The following ATP1B3 variants were observed in gnomAD, a reference collection of about 807,000 sequenced individuals.
ATP1B3 encodes the protein sodium/potassium-transporting ATPase subunit beta-3.
Under a neutral mutation model 30.2 loss-of-function variants are expected in ATP1B3, and 10 were observed. The ratio of observed to expected loss-of-function variants is 0.33; its 90% CI spans 0.20 to 0.56. The LOEUF (loss-of-function observed/expected upper bound fraction) is 0.56, where lower values mean the gene tolerates loss of function less well. Among genes scored for constraint, ATP1B3 ranks in the 20% least tolerant of loss-of-function variants. ATP1B3 has a pLI of 0.90. For missense variants in ATP1B3, 238 were observed against 336.7 expected, an observed-to-expected ratio of 0.71 and a Z score of 2.29; for synonymous variants, 113 against 117.0, an observed-to-expected ratio of 0.97 and a Z score of 0.22.
At chr3:141,921,807 A>G in intron 5 of ATP1B3, 170 bp from the exon 6 acceptor site, 1 of 468,586 alleles carries the variant, frequency 2.1e-6, no homozygotes, top group Non-Finnish European at 3.8e-6. Context: ...AATATTTGCA[A>G]TCAAGATGAG....
chr3:141,920,007 C>T (rs772195031), intron 5 of ATP1B3, among the ~76,000 whole-genome samples: 7 of 152,094 alleles, frequency 4.6e-5, no homozygotes, highest in Non-Finnish European at 8.8e-5. Context: ...CTGAGTACCT[C>T]ATTATTATTC....
intron 1 of ATP1B3, 72 bp downstream of exon 1, chr3:141,876,982 C>T (rs1299314841): frequency 1.1e-5 from 14 of 1,231,858 alleles, no homozygotes; most frequent in Non-Finnish European, 1.5e-5. Flanking sequence ...CTGGTGGGAA[C>T]GGAAAGGCGG....
intron 1 of ATP1B3, among the ~76,000 whole-genome samples, chr3:141,893,437 T>G (rs900531220): frequency 6.6e-6 from 1 of 152,200 alleles, no homozygotes; most frequent in Non-Finnish European, 1.5e-5. Flanking sequence ...CCCCACCCTC[T>G]TTTCCTGTGG....
At chr3:141,886,840 A>G (rs1933843616) in intron 1 of ATP1B3, among the ~76,000 whole-genome samples, 1 of 152,170 alleles carries the variant, frequency 6.6e-6, no homozygotes, top group Admixed American at 6.5e-5. Context: ...TCTACAAAAA[A>G]TAATTTTAAA....
intron 3 of ATP1B3, among the ~76,000 whole-genome samples, chr3:141,912,471 C>T (rs1316403972): frequency 1.3e-5 from 2 of 151,986 alleles, no homozygotes; most frequent in Non-Finnish European, 2.9e-5. Flanking sequence ...CCATCTTGGC[C>T]AGGCTGGTCT....
At chr3:141,891,580 G>C (rs1017271802) in intron 1 of ATP1B3, among the ~76,000 whole-genome samples, 9 of 152,066 alleles carry the variant, frequency 5.9e-5, no homozygotes, top group African/African-American at 2.2e-4. Flanking sequence ...TGTATTGAAT[G>C]GTTTTGGTGT....
At chr3:141,915,063 AGAAGTATCCTCAC>A (rs1304088827) in intron 4 of ATP1B3, among the ~76,000 whole-genome samples, 1 of 152,242 alleles carries the variant, frequency 6.6e-6, no homozygotes, top group Admixed American at 6.5e-5. Flanking sequence ...CCAGTCTACT[AGAAGTATCCTCAC>A]GACATCTAGA....
At chr3:141,910,819 A>G (rs1480189390) in intron 3 of ATP1B3, among the ~76,000 whole-genome samples, 2 of 126,746 alleles carry the variant, frequency 1.6e-5, no homozygotes, top group Non-Finnish European at 3.3e-5. Context: ...CTCTTAATTT[A>G]CTCCTTAGTT....
chr3:141,920,108 C>T (rs1158986169), intron 5 of ATP1B3, among the ~76,000 whole-genome samples: 2 of 152,094 alleles, frequency 1.3e-5, no homozygotes, highest in Admixed American at 6.5e-5. Flanking sequence ...GCCAAGATCA[C>T]GTCTTAGGCA....
intron 1 of ATP1B3, chr3:141,902,099 ACTT>A: frequency 7.9e-7 from 1 of 1,272,878 alleles, no homozygotes; most frequent in Non-Finnish European, 1.0e-6. Flanking sequence ...CAAACTGTTT[ACTT>A]CTTTGAGATT....
intron 5 of ATP1B3, among the ~76,000 whole-genome samples, chr3:141,916,766 T>G (rs1225620532): frequency 6.6e-6 from 1 of 152,236 alleles, no homozygotes; most frequent in Non-Finnish European, 1.5e-5. Flanking sequence ...CTCAGTGGTC[T>G]TCAAACTTGA....
chr3:141,921,223 A>G lies in ATP1B3; in HGVS notation c.583-754A>G, dbSNP rs1934558458. 2.0e-5 allele frequency among the ~76,000 whole-genome samples: 3 copies of G among 152,168 alleles called. No individual in the cohort carries two copies. The South Asian group carries it at 6.2e-4, about 31-fold the overall frequency. ...TCATTAGAATTAGGCCCATTTAGAA[A>G]GTGTTACATGTGAATTTTCATAAAT... On this transcript the variant is annotated intron_variant, in intron 5 of 6. Transcript: ENST00000286371.
intron 5 of ATP1B3, among the ~76,000 whole-genome samples, chr3:141,919,853 C>T (rs966599965): frequency 3.3e-5 from 5 of 152,020 alleles, no homozygotes; most frequent in Non-Finnish European, 5.9e-5. Context: ...GCAAGAGAAT[C>T]GCTTGTACCC....
intron 1 of ATP1B3, among the ~76,000 whole-genome samples, chr3:141,885,914 CA>C (rs1559864945): frequency 4.4e-4 from 67 of 151,390 alleles, no homozygotes; most frequent in African/African-American, 1.6e-3. Flanking sequence ...CACACACACA[CA>C]CACACACACC....
In ATP1B3 at chr3:141,876,910, G is replaced by A; in HGVS notation, c.109G>A (p.Gly37Ser). 6.4e-7 allele frequency: 1 copy of A among 1,566,326 alleles called. No homozygotes were observed. The highest frequency in any genetic ancestry group is 8.6e-7 in the Non-Finnish European group (1 of 1,157,632). ...CCTGGGGCGCACCGCCAAGAGCTGG[G>A]GTGAGCGGGCAGCAGCTGGGCGTCC... ...EFLGRTAKSW[G>S]LILLFYLVFY... is the part of the protein sequence containing the mutation. The change falls in exon 1 of 7, where the codon GGT becomes AGT. Residue 37 changes from glycine to serine, a missense_variant and splice_region_variant. By Grantham distance (56) the Gly-to-Ser change is moderately conservative. Coordinates refer to ENST00000286371, the MANE Select transcript of ATP1B3 (RefSeq NM_001679.4).
At chr3:141,906,609 T>G (rs745619334) in intron 2 of ATP1B3, among the ~76,000 whole-genome samples, 4 of 152,242 alleles carry the variant, frequency 2.6e-5, no homozygotes, top group Non-Finnish European at 5.9e-5. Context: ...TAGGAAATTG[T>G]TGGTGGTTAT....
chr3:141,888,821 A>C (rs1222422763), intron 1 of ATP1B3, among the ~76,000 whole-genome samples: 1 of 152,132 alleles, frequency 6.6e-6, no homozygotes, highest in East Asian at 1.9e-4. Context: ...GCTTGCCGCC[A>C]TGTAAGATGT....
chr3:141,909,175 G>A (rs1000809731), intron 3 of ATP1B3, among the ~76,000 whole-genome samples: 1 of 152,078 alleles, frequency 6.6e-6, no homozygotes, highest in Non-Finnish European at 1.5e-5. Flanking sequence ...AGTTAAATAT[G>A]TACTCATTAT....
intron 1 of ATP1B3, among the ~76,000 whole-genome samples, chr3:141,893,121 G>GCC (rs1933989824): frequency 6.6e-6 from 1 of 152,052 alleles, no homozygotes; most frequent in Admixed American, 6.6e-5. Context: ...CAATTCTCCT[G>GCC]CCTCAGCCTC....
Sources: allele counts gnomAD v4.1 joint callset (sites outside exome capture counted in the v4.1 genomes callset), GRCh38; gene constraint gnomAD v4.1.1; transcripts MANE v1.5; gene names NCBI Gene and HGNC (gene_info 2026-07-23, HGNC 2026-07-21).